Variants in SHANK2 observed in about 807,000 individuals in gnomAD.
SHANK2 encodes SH3 and multiple ankyrin repeat domains protein 2.
SHANK2 carries 43 observed loss-of-function variants against 133.7 expected under a neutral mutation model. The ratio of observed to expected loss-of-function variants is 0.32; its 90% CI spans 0.25 to 0.41. The LOEUF (loss-of-function observed/expected upper bound fraction) is 0.41. SHANK2 is among the 10% of genes least tolerant of loss of function. The pLI is 1.00. For missense variants in SHANK2, 1,994 were observed against 2,235.8 expected (o/e 0.89, Z 2.18); for synonymous variants, 1,017 against 952.8 (o/e 1.07, Z -1.24).
chr11:70,838,120 T>C (rs1282614094), intron 11 of SHANK2, among the ~76,000 whole-genome samples: 2 of 152,062 alleles, frequency 1.3e-5, no homozygotes, highest in Non-Finnish European at 2.9e-5. Flanking sequence ...GTGAAATGTC[T>C]TCCCACCATG....
intron 14 of SHANK2, among the ~76,000 whole-genome samples, chr11:70,744,838 G>C (rs1387043418): frequency 6.6e-6 from 1 of 152,222 alleles, no homozygotes; most frequent in East Asian, 1.9e-4. Flanking sequence ...TCTCAGCTTG[G>C]TCAAGCACAC....
chr11:70,548,133 G>T (rs1245792674), intron 17 of SHANK2, among the ~76,000 whole-genome samples: 5 of 152,256 alleles, frequency 3.3e-5, no homozygotes, highest in Non-Finnish European at 7.3e-5. Flanking sequence ...TCCCAAGGAT[G>T]GCCGGCAGGG....
intron 14 of SHANK2, among the ~76,000 whole-genome samples, chr11:70,762,756 G>A (rs956419723): frequency 6.6e-6 from 1 of 152,248 alleles, no homozygotes; most frequent in Non-Finnish European, 1.5e-5. Context: ...CACTGACCTG[G>A]AGAGGCAAGA....
intron 2 of SHANK2, among the ~76,000 whole-genome samples, chr11:71,184,231 T>C (rs1953626761): frequency 6.6e-6 from 1 of 152,088 alleles, no homozygotes; most frequent in South Asian, 2.1e-4. Flanking sequence ...TTTTCAGGCT[T>C]GATATTCCCA....
intron 11 of SHANK2, among the ~76,000 whole-genome samples, chr11:70,841,117 C>A (rs992953392): frequency 1.2e-4 from 18 of 151,940 alleles, no homozygotes; most frequent in African/African-American, 3.9e-4. Context: ...ACAAAAAAAA[C>A]AAAATTAGCC....
intron 14 of SHANK2, among the ~76,000 whole-genome samples, chr11:70,766,882 G>A (rs1384097980): frequency 6.6e-6 from 1 of 152,184 alleles, no homozygotes; most frequent in African/African-American, 2.4e-5. Flanking sequence ...ATTTTTAAAC[G>A]GCATAAGACG....
At chr11:70,950,831 T>A (rs1950823691) in intron 10 of SHANK2, among the ~76,000 whole-genome samples, 1 of 152,138 alleles carries the variant, frequency 6.6e-6, no homozygotes, top group African/African-American at 2.4e-5. Flanking sequence ...TGTTTTGTTA[T>A]GTTTTGTTTT....
chr11:70,874,549 T>A (rs1949525367), intron 11 of SHANK2, among the ~76,000 whole-genome samples: 1 of 152,184 alleles, frequency 6.6e-6, no homozygotes, highest in Non-Finnish European at 1.5e-5. Flanking sequence ...AACCATCATT[T>A]TATTGATTTG....
At chr11:71,229,755 T>TC in intron 1 of SHANK2, among the ~76,000 whole-genome samples, 1 of 106,124 alleles carries the variant, frequency 9.4e-6, no homozygotes, top group Admixed American at 1.1e-4. Context: ...TGAGACTCCA[T>TC]CTCAAAAAAG....
intron 14 of SHANK2, among the ~76,000 whole-genome samples, chr11:70,720,487 C>T (rs2134656304): frequency 1.3e-5 from 2 of 152,294 alleles, no homozygotes; most frequent in Middle Eastern, 6.8e-3. Context: ...AAAGTGCCAG[C>T]TCCCAGGGGG....
intron 2 of SHANK2, among the ~76,000 whole-genome samples, chr11:71,206,053 C>T (rs1954121082): frequency 6.6e-6 from 1 of 152,236 alleles, no homozygotes; most frequent in Admixed American, 6.5e-5. Context: ...CGCCAGCCTG[C>T]ATGGAACCCT....
intron 10 of SHANK2, among the ~76,000 whole-genome samples, chr11:70,928,129 C>G (rs919162003): frequency 4.6e-5 from 7 of 151,972 alleles, no homozygotes; most frequent in Non-Finnish European, 1.5e-5. Flanking sequence ...TCTAGAGAAC[C>G]CTGGCTAATA....
intron 24 of SHANK2, among the ~76,000 whole-genome samples, chr11:70,488,833 G>A (rs1046942238): frequency 9.2e-5 from 14 of 152,232 alleles, no homozygotes; most frequent in African/African-American, 3.1e-4. Flanking sequence ...GTGTGGGGAT[G>A]CAGCTGAGGT....
At chr11:70,793,032 G>A (rs934701295) in intron 14 of SHANK2, among the ~76,000 whole-genome samples, 9 of 152,230 alleles carry the variant, frequency 5.9e-5, no homozygotes, top group African/African-American at 1.7e-4. Flanking sequence ...TTCCCACCTC[G>A]ATGACACAGC....
chr11:70,694,955 C>A (rs1945361658), intron 15 of SHANK2, among the ~76,000 whole-genome samples: 4 of 152,180 alleles, frequency 2.6e-5, no homozygotes, highest in African/African-American at 9.7e-5. Flanking sequence ...CACAGTCTAG[C>A]TGAGGCCAGT....
intron 14 of SHANK2, among the ~76,000 whole-genome samples, chr11:70,795,751 G>A (rs896160303): frequency 7.9e-5 from 12 of 152,222 alleles, no homozygotes; most frequent in Non-Finnish European, 1.8e-4. Context: ...AGGCAGAAGG[G>A]AGGGTTGGAG....
At chr11:70,779,940 G>A (rs1947446239) in intron 14 of SHANK2, among the ~76,000 whole-genome samples, 1 of 83,796 alleles carries the variant, frequency 1.2e-5, no homozygotes, top group Non-Finnish European at 2.9e-5. Flanking sequence ...CATCATTCAG[G>A]TCGGTCCCAT....
At chr11:71,090,950 G>C (rs1555093879) in intron 8 of SHANK2, among the ~76,000 whole-genome samples, 1 of 151,988 alleles carries the variant, frequency 6.6e-6, no homozygotes, top group East Asian at 1.9e-4. Flanking sequence ...CATCATGGAG[G>C]GTCATCGGCT....
intron 14 of SHANK2, among the ~76,000 whole-genome samples, chr11:70,703,235 G>A (rs1004037465): frequency 1.3e-5 from 2 of 152,196 alleles, no homozygotes; most frequent in East Asian, 1.9e-4. Flanking sequence ...TCTGGTTTAC[G>A]GGTGAGGAGG....
Sources: gnomAD v4.1 joint callset for allele counts (sites outside exome capture counted in the v4.1 genomes callset) on GRCh38, gnomAD v4.1.1 for gene constraint, MANE v1.5 for transcripts, NCBI Gene and HGNC (gene_info 2026-07-23, HGNC 2026-07-21) for gene names.